Variants in MARCHF1 observed in about 807,000 individuals in gnomAD.
MARCHF1 encodes the protein E3 ubiquitin-protein ligase MARCHF1.
In MARCHF1, 40 loss-of-function variants were observed where a neutral mutation model predicts 54.2. The ratio of observed to expected loss-of-function variants is 0.74; its 90% CI spans 0.57 to 0.96. The LOEUF is 0.96. Among genes scored for constraint, MARCHF1 ranks in the 40% least tolerant of loss-of-function variants. MARCHF1 has a pLI of 0.00. For missense variants in MARCHF1, 586 were observed against 656.5 expected (o/e 0.89, Z 1.17); for synonymous variants, 236 against 236.3 (o/e 1.00, Z 0.01).
intron 5 of MARCHF1, among the ~76,000 whole-genome samples, chr4:163,623,297 A>G (rs1455597827): frequency 6.6e-6 from 1 of 152,164 alleles, no homozygotes; most frequent in Non-Finnish European, 1.5e-5. Flanking sequence ...CAGGCTTCCT[A>G]GTAAAATGTA....
intron 2 of MARCHF1, among the ~76,000 whole-genome samples, chr4:163,995,026 G>A (rs1040286035): frequency 9.2e-5 from 14 of 151,850 alleles, no homozygotes; most frequent in Admixed American, 2.0e-4. Flanking sequence ...GACACCAGCC[G>A]GGTGTCACCC....
chr4:164,243,320 T>C (rs1732834839), intron 1 of MARCHF1, among the ~76,000 whole-genome samples: 1 of 141,150 alleles, frequency 7.1e-6, no homozygotes, highest in Non-Finnish European at 1.5e-5. Flanking sequence ...TGGGGGCCAA[T>C]ATTCAACATT....
At chr4:164,187,026 CTT>C (rs55754853) in intron 1 of MARCHF1, among the ~76,000 whole-genome samples, 1 of 147,760 alleles carries the variant, frequency 6.8e-6, no homozygotes, top group Admixed American at 6.7e-5. Flanking sequence ...CTGAAGCAAT[CTT>C]TTTTTTTTTT....
chr4:163,790,382 G>A (rs1382285832), intron 4 of MARCHF1, among the ~76,000 whole-genome samples: 1 of 152,058 alleles, frequency 6.6e-6, no homozygotes, highest in Non-Finnish European at 1.5e-5. Context: ...CCACTTGATA[G>A]AAGGAAAATG....
intron 5 of MARCHF1, among the ~76,000 whole-genome samples, chr4:163,646,548 A>G (rs2111054306): frequency 6.6e-6 from 1 of 152,258 alleles, no homozygotes; most frequent in Admixed American, 6.5e-5. Flanking sequence ...AAAAGACAAA[A>G]CTATTAAAAA....
chr4:163,605,359 C>T (rs1406586346), intron 7 of MARCHF1, among the ~76,000 whole-genome samples: 2 of 152,104 alleles, frequency 1.3e-5, no homozygotes, highest in South Asian at 4.1e-4. Context: ...CAATGAGATA[C>T]CATCTCACAC....
At chr4:163,771,566 A>C (rs2110870208) in intron 4 of MARCHF1, among the ~76,000 whole-genome samples, 1 of 152,306 alleles carries the variant, frequency 6.6e-6, no homozygotes, top group African/African-American at 2.4e-5. Context: ...CTTTTCTGTA[A>C]GGGTGCTAAT....
chr4:163,812,921 A>T (rs1410023569), intron 4 of MARCHF1, among the ~76,000 whole-genome samples: 1 of 152,208 alleles, frequency 6.6e-6, no homozygotes, highest in East Asian at 1.9e-4. Flanking sequence ...CAATGCTACC[A>T]GTGAAACACA....
chr4:163,768,194 A>G (rs1747046728), intron 4 of MARCHF1, among the ~76,000 whole-genome samples: 1 of 152,228 alleles, frequency 6.6e-6, no homozygotes, highest in African/African-American at 2.4e-5. Context: ...GCAATCTATG[A>G]TAATTCTGCC....
At chr4:163,703,871 T>A (rs1315366227) in intron 4 of MARCHF1, among the ~76,000 whole-genome samples, 1 of 151,540 alleles carries the variant, frequency 6.6e-6, no homozygotes, top group Non-Finnish European at 1.5e-5. Context: ...CTAAACATGG[T>A]TGGATTCTTT....
At chr4:164,083,660 C>T (rs553763617) in intron 2 of MARCHF1, among the ~76,000 whole-genome samples, 30 of 152,222 alleles carry the variant, frequency 2.0e-4, no homozygotes, top group African/African-American at 7.0e-4. Context: ...ATCTATGCTG[C>T]ATCTTGGTTA....
intron 4 of MARCHF1, among the ~76,000 whole-genome samples, chr4:163,755,620 CCTTTT>C (rs1265667534): frequency 1.5e-5 from 2 of 129,878 alleles, no homozygotes; most frequent in African/African-American, 5.2e-5. Context: ...GGCAAAGATC[CCTTTT>C]TTTTTTTTTT....
At chr4:163,576,136 G>T (rs1740029060) in intron 8 of MARCHF1, among the ~76,000 whole-genome samples, 1 of 151,868 alleles carries the variant, frequency 6.6e-6, no homozygotes, top group Non-Finnish European at 1.5e-5. Context: ...ATGTTAGATT[G>T]TTAATTTGAG....
chr4:163,608,307 A>G (rs1311546613), intron 7 of MARCHF1, among the ~76,000 whole-genome samples: 1 of 152,078 alleles, frequency 6.6e-6, no homozygotes, highest in African/African-American at 2.4e-5. Context: ...CAAGGAGGTA[A>G]GGTAAAGCCA....
intron 2 of MARCHF1, among the ~76,000 whole-genome samples, chr4:164,069,993 C>T (rs1456873757): frequency 6.6e-6 from 1 of 151,964 alleles, no homozygotes; most frequent in Admixed American, 6.6e-5. Flanking sequence ...AGACTGTAGC[C>T]CTAAGAGAGC....
chr4:163,994,257 AGTGTGTGTGTGTGTGTGT>A (rs769035806), intron 2 of MARCHF1, among the ~76,000 whole-genome samples: 47 of 137,130 alleles, frequency 3.4e-4, no homozygotes, highest in African/African-American at 1.2e-3. Flanking sequence ...ATAGAGAAAA[AGTGTGTGTGTGTGTGTGT>A]GTGTGTGTGT....
chr4:164,341,044 A>C (rs1729912104), intron 1 of MARCHF1, among the ~76,000 whole-genome samples: 1 of 152,266 alleles, frequency 6.6e-6, no homozygotes, highest in East Asian at 1.9e-4. Flanking sequence ...AGCAAGTAGA[A>C]TTTATCCCTG....
At chr4:163,866,466 T>TTATATATATATATA (rs57733725) in intron 3 of MARCHF1, among the ~76,000 whole-genome samples, 9,956 of 124,194 alleles carry the variant, frequency 0.08, 795 homozygotes, top group Middle Eastern at 0.13. Context: ...AAAGCTGTAG[T>TTATATATATATATA]TATATATATA....
intron 1 of MARCHF1, among the ~76,000 whole-genome samples, chr4:164,160,286 GGC>G (rs1579583806): frequency 6.6e-6 from 1 of 152,160 alleles, no homozygotes; most frequent in African/African-American, 2.4e-5. Flanking sequence ...TACACACCTA[GGC>G]TAAATGGTAT....
Sources: gnomAD v4.1 joint callset for allele counts (sites outside exome capture counted in the v4.1 genomes callset) on GRCh38, gnomAD v4.1.1 for gene constraint, MANE v1.5 for transcripts, NCBI Gene and HGNC (gene_info 2026-07-23, HGNC 2026-07-21) for gene names.